XRCC6: variants seen among roughly 807,000 people sequenced by gnomAD.
The protein encoded by XRCC6 is X-ray repair cross complementing 6, also known as DNA repair protein Ku70.
A neutral mutation model predicts 65.7 loss-of-function variants in XRCC6; 5 were observed. The ratio of observed to expected loss-of-function variants is 0.08; its 90% CI spans 0.04 to 0.16. XRCC6 has a LOEUF of 0.16. Among genes scored for constraint, XRCC6 ranks in the 10% least tolerant of loss-of-function variants. XRCC6 has a pLI of 1.00. For missense variants in XRCC6, 447 were observed against 738.1 expected (o/e 0.61, Z 4.57); for synonymous variants, 270 against 270.6 (o/e 1.00, Z 0.02).
At chr22:41,660,158 C>T (rs755535438) in intron 11 of XRCC6, among the ~76,000 whole-genome samples, 15 of 152,190 alleles carry the variant, frequency 9.9e-5, no homozygotes, top group Non-Finnish European at 1.8e-4. Flanking sequence ...TTGGCAAATA[C>T]GGGCATGTGA....
At chr22:41,629,276 C>T (rs138033760) in intron 3 of XRCC6, among the ~76,000 whole-genome samples, 223 of 152,236 alleles carry the variant, frequency 1.5e-3, no homozygotes, top group African/African-American at 5.3e-3. Flanking sequence ...TGACACTTAA[C>T]ACATTCACAA....
At chr22:41,629,976 A>G (rs1167115332) in intron 3 of XRCC6, among the ~76,000 whole-genome samples, 1 of 116,208 alleles carries the variant, frequency 8.6e-6, no homozygotes, top group African/African-American at 3.4e-5. Flanking sequence ...TTGTGTGTGC[A>G]TTTATGCTTT....
At chr22:41,653,240 C>G (rs1432464577) in intron 8 of XRCC6, among the ~76,000 whole-genome samples, 1 of 151,840 alleles carries the variant, frequency 6.6e-6, no homozygotes, top group Non-Finnish European at 1.5e-5. Flanking sequence ...TTTGTCTCTA[C>G]AAAAAATCTT....
At chr22:41,643,083 G>C (rs979873978) in intron 6 of XRCC6, among the ~76,000 whole-genome samples, 2 of 152,226 alleles carry the variant, frequency 1.3e-5, no homozygotes, top group African/African-American at 4.8e-5. Flanking sequence ...CAACAGTGAA[G>C]ATTTGGTTAT....
intron 6 of XRCC6, among the ~76,000 whole-genome samples, chr22:41,641,902 CCT>C (rs1447453481): frequency 6.6e-6 from 1 of 152,032 alleles, no homozygotes; most frequent in Non-Finnish European, 1.5e-5. Flanking sequence ...AAGCAGTTCT[CCT>C]GCAGCCTCCC....
intron 6 of XRCC6, among the ~76,000 whole-genome samples, chr22:41,645,258 C>G (rs1230715543): frequency 6.7e-6 from 1 of 150,158 alleles, no homozygotes; most frequent in East Asian, 2.0e-4. Context: ...GAGATCGTGC[C>G]ATTGCACTCC....
chr22:41,626,343 A>G (rs369701687), intron 2 of XRCC6, among the ~76,000 whole-genome samples: 1 of 151,642 alleles, frequency 6.6e-6, no homozygotes, highest in Non-Finnish European at 1.5e-5. Context: ...GGGTTTCACC[A>G]TGTTGTCCAG....
intron 12 of XRCC6, 103 bp from the exon 13 acceptor site, chr22:41,663,519 G>A: frequency 7.6e-7 from 1 of 1,321,584 alleles, no homozygotes. Flanking sequence ...ACAGCTTTAT[G>A]GTTAATTGCA....
intron 11 of XRCC6, among the ~76,000 whole-genome samples, chr22:41,658,843 A>G (rs1251614675): frequency 6.6e-6 from 1 of 152,200 alleles, no homozygotes; most frequent in Non-Finnish European, 1.5e-5. Context: ...AGGCAGGAAG[A>G]TCGGTTGAAC....
At position 41,637,602 on chromosome 22, in the gene XRCC6, C is replaced by G. The variant is rs1279898240; in HGVS notation, c.590-6C>G. On this transcript the variant is annotated splice_region_variant and splice_polypyrimidine_tract_variant and intron_variant, in intron 5 of 12. Transcript: ENST00000360079. ...CCTCCCTCACTTTTGTTTACCCTTG[C>G]AACAGGCATCTTCCTTGACTTGATG... The G allele has an allele frequency of 6.4e-7, 1 of 1,573,642 alleles. No homozygotes were observed. The highest frequency in any genetic ancestry group is 1.8e-5 in the Admixed American group (1 of 54,166).
intron 6 of XRCC6, among the ~76,000 whole-genome samples, chr22:41,645,217 C>T (rs1185619065): frequency 1.3e-5 from 2 of 151,658 alleles, no homozygotes; most frequent in African/African-American, 4.8e-5. Context: ...AGGAGAATCA[C>T]TTGAACCCGG....
intron 3 of XRCC6, among the ~76,000 whole-genome samples, chr22:41,633,376 C>T (rs1006576425): frequency 6.6e-6 from 1 of 151,938 alleles, no homozygotes; most frequent in African/African-American, 2.4e-5. Context: ...AGTGCTTTAA[C>T]CTTTTTTAGA....
intron 9 of XRCC6, among the ~76,000 whole-genome samples, chr22:41,655,107 T>TCACCCTTATTTAATAAC (rs2068032763): frequency 6.6e-6 from 1 of 152,176 alleles, no homozygotes; most frequent in Non-Finnish European, 1.5e-5. Context: ...GCGGTGCTTG[T>TCACCCTTATTTAATAAC]GTTCAGGTCA....
chr22:41,631,706 C>CCT (rs1232421058), intron 3 of XRCC6, among the ~76,000 whole-genome samples: 2 of 151,500 alleles, frequency 1.3e-5, no homozygotes, highest in African/African-American at 4.9e-5. Flanking sequence ...CAGAGACACT[C>CCT]CTCACTTCCC....
intron 6 of XRCC6, among the ~76,000 whole-genome samples, chr22:41,646,462 A>G (rs2067933216): frequency 6.6e-6 from 1 of 152,160 alleles, no homozygotes; most frequent in African/African-American, 2.4e-5. Flanking sequence ...TGAAAATCCA[A>G]AATTAGAAAT....
At chr22:41,637,862 C>A (rs2067826142) in intron 6 of XRCC6, 71 bp downstream of exon 6, 3 of 1,488,888 alleles carry the variant, frequency 2.0e-6, no homozygotes, top group Non-Finnish European at 2.7e-6. Flanking sequence ...CGGTGGCTCA[C>A]ACCTGTAATC....
chr22:41,647,923 A>G (rs946966443), intron 7 of XRCC6, among the ~76,000 whole-genome samples: 1 of 151,906 alleles, frequency 6.6e-6, no homozygotes, highest in Admixed American at 6.6e-5. Context: ...AACTAGGAGG[A>G]GAGACATTGA....
intron 3 of XRCC6, among the ~76,000 whole-genome samples, chr22:41,634,470 G>A (rs1386801430): frequency 6.6e-6 from 1 of 151,876 alleles, no homozygotes; most frequent in Non-Finnish European, 1.5e-5. Flanking sequence ...ATAGGCATGA[G>A]CCACTGTACC....
At chr22:41,645,062 A>G (rs1305124883) in intron 6 of XRCC6, among the ~76,000 whole-genome samples, 1 of 151,782 alleles carries the variant, frequency 6.6e-6, no homozygotes, top group African/African-American at 2.4e-5. Flanking sequence ...GCACTTTGGG[A>G]GGCCGAGGCG....
Sources: allele counts gnomAD v4.1 joint callset (sites outside exome capture counted in the v4.1 genomes callset), GRCh38; gene constraint gnomAD v4.1.1; transcripts MANE v1.5; gene names NCBI Gene and HGNC (gene_info 2026-07-23, HGNC 2026-07-21).